Variants in NLGN1 observed in about 807,000 individuals in gnomAD.
The protein encoded by NLGN1 is neuroligin 1.
Under a neutral mutation model 65.5 loss-of-function variants are expected in NLGN1, and 12 were observed. The observed-to-expected ratio is 0.18, with a 90% confidence interval of 0.12 to 0.30. NLGN1 has a LOEUF of 0.30. Ranked by LOEUF, NLGN1 falls within the 10% of genes least tolerant of loss-of-function variation. The pLI, the probability that NLGN1 is intolerant of heterozygous loss-of-function variation, is 1.00. For synonymous variants in NLGN1, 350 were observed against 359.5 expected (o/e 0.97, Z 0.30); for missense variants, 750 against 1,007.1 (o/e 0.74, Z 3.46).
intron 3 of NLGN1, among the ~76,000 whole-genome samples, chr3:173,702,217 C>A (rs1239151868): frequency 2.2e-5 from 3 of 137,708 alleles, no homozygotes; most frequent in South Asian, 4.5e-4. Context: ...CCAGCCTGGG[C>A]GACAGAGCGA....
chr3:173,640,469 A>T (rs920541610), intron 3 of NLGN1, among the ~76,000 whole-genome samples: 7 of 152,162 alleles, frequency 4.6e-5, no homozygotes, highest in African/African-American at 1.7e-4. Context: ...TTAAACTAAC[A>T]GATAGCAGGA....
At chr3:173,448,352 G>A (rs368202653) in intron 2 of NLGN1, among the ~76,000 whole-genome samples, 9 of 152,260 alleles carry the variant, frequency 5.9e-5, no homozygotes, top group African/African-American at 9.6e-5. Context: ...CTGTTTATAT[G>A]CTGGATTACG....
chr3:173,808,085 G>T (rs545372807), intron 4 of NLGN1, among the ~76,000 whole-genome samples: 5 of 152,210 alleles, frequency 3.3e-5, no homozygotes, highest in African/African-American at 7.2e-5. Context: ...AGACAAAATG[G>T]CAGGGCCTTA....
At chr3:174,243,954 T>G (rs1743339688) in intron 4 of NLGN1, among the ~76,000 whole-genome samples, 1 of 152,222 alleles carries the variant, frequency 6.6e-6, no homozygotes, top group African/African-American at 2.4e-5. Context: ...TTCTGACTTT[T>G]TTTAGGTCCA....
At chr3:173,832,024 T>C (rs1331419153) in intron 4 of NLGN1, among the ~76,000 whole-genome samples, 1 of 152,002 alleles carries the variant, frequency 6.6e-6, no homozygotes. Context: ...ATGGTGCAAT[T>C]ATGGCTTACT....
intron 4 of NLGN1, among the ~76,000 whole-genome samples, chr3:174,250,297 CATTATT>C (rs2152841680): frequency 6.6e-6 from 1 of 152,134 alleles, no homozygotes; most frequent in Admixed American, 6.5e-5. Context: ...GATTAGTCAC[CATTATT>C]ATTAATTGCT....
chr3:173,536,316 A>G (rs969602235), intron 2 of NLGN1, among the ~76,000 whole-genome samples: 6 of 152,160 alleles, frequency 3.9e-5, no homozygotes, highest in African/African-American at 7.2e-5. Context: ...ATTTAATTCT[A>G]TTTTAATTGT....
intron 4 of NLGN1, among the ~76,000 whole-genome samples, chr3:173,989,819 A>G (rs1353685773): frequency 6.6e-6 from 1 of 152,140 alleles, no homozygotes; most frequent in Non-Finnish European, 1.5e-5. Flanking sequence ...ATGTCCTCAG[A>G]GAACAGCACA....
intron 3 of NLGN1, among the ~76,000 whole-genome samples, chr3:173,777,846 C>A (rs1222226760): frequency 2.0e-5 from 3 of 151,774 alleles, no homozygotes; most frequent in Admixed American, 6.6e-5. Flanking sequence ...TTTCCAAACT[C>A]CATGCTGGTC....
intron 4 of NLGN1, among the ~76,000 whole-genome samples, chr3:173,833,638 G>A (rs1578688499): frequency 1.3e-5 from 2 of 151,802 alleles, no homozygotes; most frequent in East Asian, 3.9e-4. Flanking sequence ...TCCCACCTCA[G>A]CCCCCCAGTG....
At chr3:173,684,426 A>C (rs1339205235) in intron 3 of NLGN1, among the ~76,000 whole-genome samples, 1 of 152,200 alleles carries the variant, frequency 6.6e-6, no homozygotes, top group Non-Finnish European at 1.5e-5. Flanking sequence ...AGTAGTGTGC[A>C]TATCTTTATG....
intron 4 of NLGN1, among the ~76,000 whole-genome samples, chr3:174,184,360 CATT>C (rs750542600): frequency 9.2e-5 from 14 of 151,768 alleles, no homozygotes; most frequent in South Asian, 4.2e-4. Flanking sequence ...AAAAAGTACT[CATT>C]ATAAATAATA....
intron 2 of NLGN1, among the ~76,000 whole-genome samples, chr3:173,514,089 A>G (rs1733433153): frequency 1.3e-5 from 2 of 152,200 alleles, no homozygotes; most frequent in Non-Finnish European, 2.9e-5. Context: ...AAACATACTG[A>G]CTGCACACAT....
intron 2 of NLGN1, among the ~76,000 whole-genome samples, chr3:173,567,164 A>C (rs1227173184): frequency 6.6e-6 from 1 of 152,138 alleles, no homozygotes; most frequent in Admixed American, 6.5e-5. Flanking sequence ...GTGTGTATAA[A>C]TTCTGAGAAC....
chr3:173,425,735 C>T (rs1003920500), intron 1 of NLGN1, among the ~76,000 whole-genome samples: 5 of 152,136 alleles, frequency 3.3e-5, no homozygotes, highest in Middle Eastern at 6.8e-3. Flanking sequence ...GTTACTATAG[C>T]CTTGTAGTAT....
At chr3:173,664,578 G>A (rs1360672023) in intron 3 of NLGN1, among the ~76,000 whole-genome samples, 1 of 152,094 alleles carries the variant, frequency 6.6e-6, no homozygotes, top group Admixed American at 6.6e-5. Flanking sequence ...TGTGATTATT[G>A]CGCGAAGGGA....
chr3:173,844,202 C>T (rs1447207579), intron 4 of NLGN1, among the ~76,000 whole-genome samples: 1 of 152,148 alleles, frequency 6.6e-6, no homozygotes, highest in Non-Finnish European at 1.5e-5. Flanking sequence ...TCCCACACCA[C>T]ATGGGGATTA....
intron 2 of NLGN1, among the ~76,000 whole-genome samples, chr3:173,482,836 A>G (rs887687471): frequency 5.3e-5 from 8 of 152,168 alleles, no homozygotes; most frequent in Non-Finnish European, 1.0e-4. Flanking sequence ...AATGTCCTTA[A>G]TTATTAACAA....
chr3:173,847,304 C>T (rs904268370), intron 4 of NLGN1, among the ~76,000 whole-genome samples: 1 of 152,052 alleles, frequency 6.6e-6, no homozygotes, highest in Non-Finnish European at 1.5e-5. Flanking sequence ...TTTTTTTGGT[C>T]AGAAAGATTG....
Sources: gnomAD v4.1 joint callset for allele counts (sites outside exome capture counted in the v4.1 genomes callset) on GRCh38, gnomAD v4.1.1 for gene constraint, MANE v1.5 for transcripts, NCBI Gene and HGNC (gene_info 2026-07-23, HGNC 2026-07-21) for gene names.